Variants in SLC25A13 observed in about 807,000 individuals in gnomAD.
SLC25A13 encodes the protein electrogenic aspartate/glutamate antiporter SLC25A13, mitochondrial.
SLC25A13 carries 70 observed loss-of-function variants against 85.5 expected under a neutral mutation model. The observed-to-expected ratio is 0.82, with a 90% CI of 0.68 to 1.00. The LOEUF (loss-of-function observed/expected upper bound fraction) is 1.00, where lower values mean the gene tolerates loss of function less well. Ranked by LOEUF, SLC25A13 falls within the 50% of genes least tolerant of loss-of-function variation. The probability of loss-of-function intolerance (pLI) is 0.00; values close to 1 mark genes in which losing one functional copy is unlikely to be tolerated. For synonymous variants in SLC25A13, 259 were observed against 288.7 expected (o/e 0.90, Z 1.04); for missense variants, 765 against 819.8 (o/e 0.93, Z 0.82).
intron 13 of SLC25A13, among the ~76,000 whole-genome samples, chr7:96,166,503 G>C (rs971657610): frequency 6.6e-6 from 1 of 151,734 alleles, no homozygotes; most frequent in African/African-American, 2.4e-5. Context: ...TGCACCACTT[G>C]TATTTCTTAT....
chr7:96,251,069 A>G (rs1797405447), intron 3 of SLC25A13, among the ~76,000 whole-genome samples: 1 of 152,088 alleles, frequency 6.6e-6, no homozygotes, highest in African/African-American at 2.4e-5. Flanking sequence ...AAATTAATGA[A>G]ACCCACATGT....
At chr7:96,236,386 C>T (rs1220701360) in intron 3 of SLC25A13, among the ~76,000 whole-genome samples, 3 of 151,622 alleles carry the variant, frequency 2.0e-5, no homozygotes, top group African/African-American at 7.3e-5. Context: ...AGCTTACCAC[C>T]AGCTGTTTGG....
At chr7:96,291,279 A>G (rs1272500966) in intron 2 of SLC25A13, among the ~76,000 whole-genome samples, 1 of 152,218 alleles carries the variant, frequency 6.6e-6, no homozygotes, top group African/African-American at 2.4e-5. Flanking sequence ...CATTTAAAGC[A>G]GTGTGTAGAG....
intron 1 of SLC25A13, among the ~76,000 whole-genome samples, chr7:96,299,954 G>A (rs1799491866): frequency 1.3e-5 from 2 of 152,158 alleles, no homozygotes; most frequent in South Asian, 4.1e-4. Context: ...CACCTGTACA[G>A]GGCAGCTCCA....
intron 9 of SLC25A13, among the ~76,000 whole-genome samples, chr7:96,185,282 A>G (rs1041879352): frequency 6.6e-6 from 1 of 152,188 alleles, no homozygotes; most frequent in African/African-American, 2.4e-5. Context: ...TCAAATTCTC[A>G]TTAAAAAAAA....
chr7:96,124,400 G>A (rs1021213366), intron 15 of SLC25A13, among the ~76,000 whole-genome samples: 2 of 152,044 alleles, frequency 1.3e-5, no homozygotes, highest in Non-Finnish European at 2.9e-5. Flanking sequence ...TTTTTCATCA[G>A]GTATGAGAAA....
chr7:96,232,606 A>T lies in SLC25A13; in HGVS notation c.328+2196T>A, dbSNP rs550218262. 5.7e-4 allele frequency among the ~76,000 whole-genome samples: 86 copies of T among 150,580 alleles called. 1 individual carries two copies. The highest frequency in any genetic ancestry group is 1.5e-3 in the African/African-American group (62 of 41,016). On this transcript the variant is annotated intron_variant, in intron 4 of 17. Coordinates refer to ENST00000265631, the MANE Select transcript of SLC25A13 (RefSeq NM_014251.3). The stretch of plus-strand genomic sequence containing the variant: ...CCTGAACTTACGTTAAAAAAAAAAA[A>T]TTTAAAAAAATTTTAAAAAAAAGGG...
chr7:96,176,234 T>C (rs6964233), intron 11 of SLC25A13, among the ~76,000 whole-genome samples: 4,203 of 152,266 alleles, frequency 0.028, 97 homozygotes, highest in Non-Finnish European at 0.041. Flanking sequence ...TGCATATATA[T>C]CTGACATCTG....
intron 14 of SLC25A13, among the ~76,000 whole-genome samples, chr7:96,141,024 T>C (rs916323636): frequency 1.8e-4 from 26 of 148,452 alleles, no homozygotes; most frequent in African/African-American, 5.7e-4. Flanking sequence ...TCTTTCTTTT[T>C]TTTTTTTTTT....
chr7:96,127,389 T>G lies in SLC25A13; in HGVS notation c.1591+4354A>C, dbSNP rs768037848. ...TGTTCTATCTTGTGAAATAACGGAG[T>G]AGATGTTCCAGTATTTAAATATAGT... is the stretch of plus-strand genomic sequence containing the variant. On this transcript the variant is annotated intron_variant, in intron 15 of 17. Transcript: ENST00000265631. 9.9e-5 allele frequency among the ~76,000 whole-genome samples: 15 copies of G among 152,032 alleles called. 1 individual carries two copies. The highest frequency in any genetic ancestry group is 2.0e-4 in the Admixed American group (3 of 15,268).
chr7:96,232,451 G>A (rs969934289), intron 4 of SLC25A13, among the ~76,000 whole-genome samples: 1 of 152,064 alleles, frequency 6.6e-6, no homozygotes, highest in African/African-American at 2.4e-5. Flanking sequence ...GAGGGTAGAA[G>A]GTGGGAGGAG....
chr7:96,192,893 T>C, intron 6 of SLC25A13, 144 bp downstream of exon 6: 1 of 907,024 alleles, frequency 1.1e-6, no homozygotes, highest in African/African-American at 1.7e-5. Context: ...ACACACTCTT[T>C]GTTTGAGTTT....
chr7:96,198,736 C>A (rs1795151437), intron 5 of SLC25A13, among the ~76,000 whole-genome samples: 1 of 152,020 alleles, frequency 6.6e-6, no homozygotes, highest in South Asian at 2.1e-4. Flanking sequence ...TAGATTTGGA[C>A]AGGTAGGAAA....
At chr7:96,217,958 T>C (rs549723953) in intron 4 of SLC25A13, among the ~76,000 whole-genome samples, 4 of 149,314 alleles carry the variant, frequency 2.7e-5, no homozygotes, top group African/African-American at 9.9e-5. Flanking sequence ...TACTAATGAG[T>C]AACCCTGGGC....
chr7:96,247,371 C>A (rs1024161828), intron 3 of SLC25A13, among the ~76,000 whole-genome samples: 1 of 151,908 alleles, frequency 6.6e-6, no homozygotes, highest in Admixed American at 6.6e-5. Context: ...AAAAAAAGTG[C>A]CCATGTGTTG....
intron 11 of SLC25A13, among the ~76,000 whole-genome samples, chr7:96,177,884 T>C (rs1177783120): frequency 6.6e-6 from 1 of 152,208 alleles, no homozygotes; most frequent in African/African-American, 2.4e-5. Context: ...CTTAATTCTC[T>C]GCGGTACCAG....
chr7:96,124,963 A>G (rs539824296), intron 15 of SLC25A13, among the ~76,000 whole-genome samples: 2 of 152,298 alleles, frequency 1.3e-5, no homozygotes, highest in South Asian at 4.1e-4. Flanking sequence ...CCTTCCTTTC[A>G]TTTGTCAGTC....
At chr7:96,319,436 G>A (rs540666540) in intron 1 of SLC25A13, among the ~76,000 whole-genome samples, 1 of 151,498 alleles carries the variant, frequency 6.6e-6, no homozygotes, top group African/African-American at 2.4e-5. Flanking sequence ...CAGATACTTG[G>A]GAGGCTGAGG....
intron 5 of SLC25A13, among the ~76,000 whole-genome samples, chr7:96,206,453 C>G (rs957822058): frequency 6.6e-6 from 1 of 152,150 alleles, no homozygotes. Context: ...GAAAAGAGTT[C>G]AAATGAAGCA....
Sources: gnomAD v4.1 joint callset for allele counts (sites outside exome capture counted in the v4.1 genomes callset) on GRCh38, gnomAD v4.1.1 for gene constraint, MANE v1.5 for transcripts, NCBI Gene and HGNC (gene_info 2026-07-23, HGNC 2026-07-21) for gene names.